The following ITSN1 variants were observed in gnomAD, a reference collection of about 807,000 sequenced individuals.
ITSN1 encodes intersectin 1, also known as intersectin-1.
In ITSN1, 58 loss-of-function variants were observed where a neutral mutation model predicts 239.8. The ratio of observed to expected loss-of-function variants is 0.24; its 90% CI spans 0.20 to 0.30. The LOEUF is 0.30. ITSN1 is among the 10% of genes least tolerant of loss of function. The probability of loss-of-function intolerance (pLI) is 1.00; values close to 1 mark genes in which losing one functional copy is unlikely to be tolerated. For synonymous variants in ITSN1, 780 were observed against 770.8 expected, an observed-to-expected ratio of 1.01 and a Z score of -0.20; for missense variants, 1,558 against 2,103.3, an observed-to-expected ratio of 0.74 and a Z score of 5.07.
intron 1 of ITSN1, among the ~76,000 whole-genome samples, chr21:33,678,246 C>G (rs1368434296): frequency 6.6e-6 from 1 of 152,188 alleles, no homozygotes; most frequent in Non-Finnish European, 1.5e-5. Flanking sequence ...GATGTCTTCT[C>G]AGAGAGACTT....
chr21:33,722,778 T>A, intron 4 of ITSN1, 127 bp downstream of exon 4: 1 of 873,906 alleles, frequency 1.1e-6, no homozygotes, highest in South Asian at 3.4e-5. Flanking sequence ...CTGAAATATC[T>A]TGTTACTTCT....
At position 33,891,303 on chromosome 21, in the gene ITSN1, TGATA is replaced by T. The variant is rs1986348641; in HGVS notation, c.*3005_*3008del. The T allele has an allele frequency of 3.9e-5, 6 of 152,244 alleles. No individual in the cohort carries two copies. Among genetic ancestry groups the T allele is most frequent in the Non-Finnish European group, 5.9e-5 (4 of 68,040 alleles). 9.4% of individuals were successfully genotyped at this position (152,244 alleles called of 1,614,324 possible). A position where few individuals can be genotyped will look rare whatever the true frequency, so the allele number is the denominator to read the frequency against. On this transcript the variant is annotated 3_prime_UTR_variant, in exon 40 of 40. Transcript: ENST00000381318. Reference sequence around the variant, plus strand: ...GTTTGGATAATATGTCCCTGTCCTCTGATAGCAGAGGAAAGAGCTCTGCTCCCAA... The same window carrying T: ...GTTTGGATAATATGTCCCTGTCCTCTGCAGAGGAAAGAGCTCTGCTCCCAA...
intron 31 of ITSN1, among the ~76,000 whole-genome samples, chr21:33,860,009 C>T (rs1369736181): frequency 1.3e-5 from 2 of 152,140 alleles, no homozygotes; most frequent in African/African-American, 2.4e-5. Context: ...TCAGTGTTCT[C>T]GTCTACATAG....
At chr21:33,862,791 A>G (rs1980872690) in intron 31 of ITSN1, among the ~76,000 whole-genome samples, 1 of 152,186 alleles carries the variant, frequency 6.6e-6, no homozygotes, top group South Asian at 2.1e-4. Flanking sequence ...GAATTTCTGC[A>G]TGCCTGAGTT....
At chr21:33,770,355 G>A (rs1046612016) in intron 11 of ITSN1, among the ~76,000 whole-genome samples, 13 of 152,038 alleles carry the variant, frequency 8.6e-5, no homozygotes, top group African/African-American at 2.7e-4. Flanking sequence ...GAGCCACCGT[G>A]CCTGGCCAGC....
chr21:33,674,282 G>A (rs1434531467), intron 1 of ITSN1, among the ~76,000 whole-genome samples: 1 of 152,152 alleles, frequency 6.6e-6, no homozygotes, highest in African/African-American at 2.4e-5. Context: ...ATGATTTAAT[G>A]TGTTACTATT....
At chr21:33,821,706 A>G (rs1336241341) in intron 24 of ITSN1, among the ~76,000 whole-genome samples, 3 of 152,180 alleles carry the variant, frequency 2.0e-5, no homozygotes, top group African/African-American at 7.2e-5. Flanking sequence ...CTGCAATACC[A>G]AGTTCAGCCA....
At chr21:33,805,217 T>C (rs1042166268) in intron 20 of ITSN1, among the ~76,000 whole-genome samples, 4 of 152,248 alleles carry the variant, frequency 2.6e-5, no homozygotes, top group Admixed American at 1.3e-4. Flanking sequence ...AAATATCCTC[T>C]TAAAAATATC....
At chr21:33,659,629 C>T (rs2089384245) in intron 1 of ITSN1, among the ~76,000 whole-genome samples, 1 of 151,520 alleles carries the variant, frequency 6.6e-6, no homozygotes, top group South Asian at 2.1e-4. Context: ...TAGTACCTGC[C>T]CTTAAGCTAG....
chr21:33,799,873 C>T lies in ITSN1; in HGVS notation c.2248C>T (p.Pro750Ser). ...AGTGGTGTATTACCGGGCACTGTAC[C>T]CCTTTGAATCCAGAAGCCATGATGA... ...VKVVYYRALY[P>S]FESRSHDEIT... is the part of the protein sequence containing the mutation. The change falls in exon 19 of 40, where the codon CCC becomes TCC. Residue 750 changes from proline (P) to serine (S), a missense_variant. Physicochemically the swap from Pro to Ser is moderately conservative, Grantham distance 74 (BLOSUM62 -1). Around this residue, in one of 2 missense-constraint regions of ITSN1, gnomAD observed 982 missense variants for 1,209.9 expected, o/e 0.81. Transcript: ENST00000381318. 1 of 1,613,828 alleles carries T rather than the reference C, an allele frequency of 6.2e-7. No individual in the cohort carries two copies. The highest frequency in any genetic ancestry group is 1.1e-5 in the South Asian group (1 of 91,058).
chr21:33,665,330 G>A (rs184162260), intron 1 of ITSN1, among the ~76,000 whole-genome samples: 3 of 152,180 alleles, frequency 2.0e-5, no homozygotes, highest in African/African-American at 7.2e-5. Flanking sequence ...GACCTGAGTA[G>A]GCATTTTTCC....
chr21:33,695,416 A>T lies in ITSN1; in HGVS notation c.-32-23381A>T, dbSNP rs78956546. Among the ~76,000 whole-genome samples the T allele has an allele frequency of 4.0e-4, 61 of 152,364 alleles. No individual in the cohort carries two copies. The East Asian group carries it at 0.012, about 29-fold the overall frequency. ...AGGAAAAGCTTTGTTAGAGAGGGAAATGTTATTCAGTGAAGTACATATTGA... is the reference window on the plus strand; with the variant it reads ...AGGAAAAGCTTTGTTAGAGAGGGAATTGTTATTCAGTGAAGTACATATTGA... On this transcript the variant is annotated intron_variant, in intron 1 of 39. Coordinates refer to ENST00000381318, the MANE Select transcript of ITSN1 (RefSeq NM_003024.3).
At chr21:33,863,808 C>T (rs1463861406) in intron 31 of ITSN1, among the ~76,000 whole-genome samples, 3 of 152,186 alleles carry the variant, frequency 2.0e-5, no homozygotes, top group Admixed American at 6.5e-5. Flanking sequence ...GGTGTCATCA[C>T]CCTTGAGCAC....
chr21:33,818,374 G>T lies in ITSN1; in HGVS notation c.2835G>T (p.Gln945His). ...NKNDVITVLE[Q>H]QDMWWFGEVQ... ...ATGATGTCATCACCGTCCTGGAACA[G>T]CAAGACATGTGGTGGTTTGGAGAAG... Residue 945 changes from glutamine (Q) to histidine (H), a missense_variant, in exon 23 of 40, where the codon CAG becomes CAT. By Grantham distance (24) the Gln-to-His change is conservative. This residue lies in a region of ITSN1 where 982 missense variants were observed against 1,209.9 expected (regional missense o/e 0.81). Transcript: ENST00000381318. 6.2e-7 allele frequency: 1 copy of T among 1,614,204 alleles called. No homozygotes were observed. The highest frequency in any genetic ancestry group is 8.5e-7 in the Non-Finnish European group (1 of 1,180,036).
Position 33,891,356 on chromosome 21 carries a change from A to T in ITSN1, c.*3056A>T, listed in dbSNP as rs1323119125. ...AAAGAACATTCATGTAAGAGGAGGCATTTTTTTCTTCTTTGCTTTTTTTAA... is the reference window on the plus strand; with the variant it reads ...AAAGAACATTCATGTAAGAGGAGGCTTTTTTTTCTTCTTTGCTTTTTTTAA... On this transcript the variant is annotated 3_prime_UTR_variant, in exon 40 of 40. Coordinates refer to ENST00000381318, the MANE Select transcript of ITSN1 (RefSeq NM_003024.3). The T allele has an allele frequency of 2.0e-5, 3 of 152,162 alleles. No individual in the cohort carries two copies. Among genetic ancestry groups the T allele is most frequent in the Non-Finnish European group, 4.4e-5 (3 of 68,022 alleles). The allele number at this position is 152,162 out of a possible 1,614,324, so 9.4% of individuals were successfully genotyped here.
chr21:33,895,550 CG>C lies in ITSN1; in HGVS notation c.*7251del, dbSNP rs1569358265. The C allele has an allele frequency of 7.0e-6, 1 of 143,770 alleles. No individual in the cohort carries two copies. The allele number at this position is 143,770 out of a possible 1,614,324, so 8.9% of individuals were successfully genotyped here. ...GTGTGTGTGTCTACGTGTGTGTGCA[CG>C]CATGTGTGTGCGTGTATGTGTGCGT... On this transcript the variant is annotated 3_prime_UTR_variant, in exon 40 of 40. Coordinates refer to ENST00000381318, the MANE Select transcript of ITSN1 (RefSeq NM_003024.3).
intron 1 of ITSN1, among the ~76,000 whole-genome samples, chr21:33,715,021 G>T (rs965879739): frequency 1.3e-4 from 20 of 151,950 alleles, no homozygotes; most frequent in African/African-American, 4.8e-4. Flanking sequence ...AAAAAATTTA[G>T]CCATTTCTTA....
chr21:33,783,691 CAAAAA>C (rs11349210), intron 16 of ITSN1, among the ~76,000 whole-genome samples: 1 of 132,024 alleles, frequency 7.6e-6, no homozygotes. Context: ...CTTTTATAAG[CAAAAA>C]AAAAAAAAAA....
At chr21:33,756,072 G>C (rs1327959355) in intron 8 of ITSN1, among the ~76,000 whole-genome samples, 2 of 152,102 alleles carry the variant, frequency 1.3e-5, no homozygotes, top group Non-Finnish European at 2.9e-5. Flanking sequence ...CCCTTTGGGA[G>C]GCTGAGGCGG....
Sources: allele counts gnomAD v4.1 joint callset (sites outside exome capture counted in the v4.1 genomes callset), GRCh38; gene constraint gnomAD v4.1.1; regional missense constraint gnomAD v4.1.1; transcripts MANE v1.5; gene names NCBI Gene and HGNC (gene_info 2026-07-23, HGNC 2026-07-21).